The following MEF2C variants were observed in gnomAD, a reference collection of about 807,000 sequenced individuals.
MEF2C encodes myocyte-specific enhancer factor 2C.
MEF2C carries 6 observed loss-of-function variants against 50.5 expected under a neutral mutation model. The observed-to-expected ratio is 0.12, with a 90% CI of 0.07 to 0.23. The LOEUF is 0.23. Among genes scored for constraint, MEF2C ranks in the 10% least tolerant of loss-of-function variants. The pLI is 1.00. For synonymous variants in MEF2C, 183 were observed against 228.0 expected, an observed-to-expected ratio of 0.80 and a Z score of 1.78; for missense variants, 276 against 605.0, an observed-to-expected ratio of 0.46 and a Z score of 5.70.
chr5:88,769,939 T>C (rs1020130567), intron 3 of MEF2C: 3 of 983,954 alleles, frequency 3.0e-6, no homozygotes, highest in Non-Finnish European at 2.4e-6. Context: ...GGCCACTGTG[T>C]CCAGCCTATC....
chr5:88,745,789 T>C (rs1350731359), intron 6 of MEF2C, among the ~76,000 whole-genome samples: 1 of 152,224 alleles, frequency 6.6e-6, no homozygotes, highest in South Asian at 2.1e-4. Context: ...CACTCCAACC[T>C]GGGTGACAGA....
Position 88,718,120 on chromosome 5 carries a change from T to G in MEF2C, c.*4484A>C, listed in dbSNP as rs1186113068. ...CCATCTTTTCATATAATATTTTGAG[T>G]TGAAAACTGAGAAAGCTCATTTGTG... On this transcript the variant is annotated 3_prime_UTR_variant, in exon 11 of 11. Transcript: ENST00000504921. 1 of 152,184 alleles carries G rather than the reference T, an allele frequency of 6.6e-6. No individual in the cohort carries two copies. Among genetic ancestry groups the G allele is most frequent in the Non-Finnish European group, 1.5e-5 (1 of 68,036 alleles). 9.4% of individuals were successfully genotyped at this position (152,184 alleles called of 1,614,324 possible). A position where few individuals can be genotyped will look rare whatever the true frequency, so the allele number is the denominator to read the frequency against.
At chr5:88,881,485 A>G (rs1456419772) in intron 1 of MEF2C, among the ~76,000 whole-genome samples, 1 of 152,236 alleles carries the variant, frequency 6.6e-6, no homozygotes, top group African/African-American at 2.4e-5. Context: ...AATGTTTTTA[A>G]AGACTAGCCA....
intron 2 of MEF2C, among the ~76,000 whole-genome samples, chr5:88,822,298 A>G (rs1250333955): frequency 6.6e-6 from 1 of 152,010 alleles, no homozygotes; most frequent in Non-Finnish European, 1.5e-5. Flanking sequence ...ACAGTGTTAC[A>G]TGACATTCAA....
chr5:88,719,552 C>T lies in MEF2C; in HGVS notation c.*3052G>A, dbSNP rs1200418538. The T allele has an allele frequency of 6.6e-6, 1 of 152,200 alleles. No individual in the cohort carries two copies. Among genetic ancestry groups the T allele is most frequent in the Non-Finnish European group, 1.5e-5 (1 of 68,026 alleles). 9.4% of individuals were successfully genotyped at this position (152,200 alleles called of 1,614,324 possible). ...GAAGAATGTTGCCTAAAATGTTACT[C>T]TAGGACGGGTTATGTAAAATAATAC... On this transcript the variant is annotated 3_prime_UTR_variant, in exon 11 of 11. Transcript: ENST00000504921.
Position 88,734,586 on chromosome 5 carries a change from T to G in MEF2C, c.638-2685A>C, listed in dbSNP as rs189112045. The stretch of plus-strand genomic sequence containing the variant: ...GTTTGTTTTTTTTTTTTTTTTTTTT[T>G]TTTTTTTTTTTTAGCATTTTCTACA... On this transcript the variant is annotated intron_variant, in intron 6 of 10. Transcript: ENST00000504921. 777 of 940,304 alleles carry G rather than the reference T, an allele frequency of 8.3e-4. 6 individuals carry two copies. Among genetic ancestry groups the G allele is most frequent in the African/African-American group, 7.9e-3 (429 of 54,608 alleles). The allele number at this position is 940,304 out of a possible 1,614,324, so 58.2% of individuals were successfully genotyped here.
intron 3 of MEF2C, among the ~76,000 whole-genome samples, chr5:88,781,647 A>C (rs962947103): frequency 2.6e-5 from 4 of 152,138 alleles, no homozygotes; most frequent in African/African-American, 9.7e-5. Flanking sequence ...TTGTATTCAG[A>C]ATCCTGACCT....
intron 1 of MEF2C, among the ~76,000 whole-genome samples, chr5:88,860,523 C>G (rs1825136492): frequency 6.6e-6 from 1 of 151,814 alleles, no homozygotes; most frequent in Non-Finnish European, 1.5e-5. Flanking sequence ...ATGCCATATT[C>G]CAGGGCTTAC....
At chr5:88,865,055 C>G (rs1019069641) in intron 1 of MEF2C, among the ~76,000 whole-genome samples, 1 of 152,018 alleles carries the variant, frequency 6.6e-6, no homozygotes, top group Admixed American at 6.5e-5. Context: ...AGCCACCATG[C>G]CTGGCCATTT....
intron 2 of MEF2C, among the ~76,000 whole-genome samples, chr5:88,815,409 G>A (rs1368543874): frequency 6.6e-6 from 1 of 152,026 alleles, no homozygotes; most frequent in Non-Finnish European, 1.5e-5. Flanking sequence ...TTTCCAAACA[G>A]TTACATTTGT....
At chr5:88,850,271 C>T (rs758215817) in intron 1 of MEF2C, among the ~76,000 whole-genome samples, 1 of 152,148 alleles carries the variant, frequency 6.6e-6, no homozygotes, top group Non-Finnish European at 1.5e-5. Flanking sequence ...TTGTGTCATG[C>T]ACTATTCTAT....
chr5:88,791,340 T>C (rs919399536), intron 3 of MEF2C, among the ~76,000 whole-genome samples: 4 of 152,168 alleles, frequency 2.6e-5, no homozygotes, highest in Admixed American at 6.5e-5. Context: ...AAGGTTCATG[T>C]AAAATAATAA....
At chr5:88,743,681 T>C in intron 6 of MEF2C, 1 of 985,442 alleles carries the variant, frequency 1.0e-6, no homozygotes, top group Non-Finnish European at 1.2e-6. Context: ...AGATGGAGTC[T>C]TTCCAGAGTC....
At chr5:88,731,514 C>T (rs1761590075) in intron 7 of MEF2C, 2 of 484,096 alleles carry the variant, frequency 4.1e-6, no homozygotes, top group East Asian at 7.6e-5. Flanking sequence ...GTGAAGTTCA[C>T]CAGATATATA....
chr5:88,842,152 T>C (rs1214823870), intron 1 of MEF2C, among the ~76,000 whole-genome samples: 1 of 152,170 alleles, frequency 6.6e-6, no homozygotes, highest in African/African-American at 2.4e-5. Context: ...TAGTATATTT[T>C]ATAAGAAATA....
chr5:88,786,773 G>A (rs1791118502), intron 3 of MEF2C, among the ~76,000 whole-genome samples: 1 of 152,032 alleles, frequency 6.6e-6, no homozygotes, highest in African/African-American at 2.4e-5. Flanking sequence ...AGTTTAAATG[G>A]GAAAAATGGT....
intron 3 of MEF2C, among the ~76,000 whole-genome samples, chr5:88,763,927 C>G (rs533180151): frequency 1.3e-5 from 2 of 152,314 alleles, no homozygotes; most frequent in South Asian, 4.1e-4. Flanking sequence ...GCTGGGATTA[C>G]AGGCATGAGC....
At position 88,877,173 on chromosome 5, in the gene MEF2C, C is replaced by T. The variant is rs552713012; in HGVS notation, c.-143+5782G>A. On this transcript the variant is annotated intron_variant, in intron 1 of 10. Transcript: ENST00000504921. ...GAGTAATGATTCCTGAAGAAATCTG[C>T]CTGTAATATGTTTACTGTTTTTATT... Among the ~76,000 whole-genome samples the T allele has an allele frequency of 1.1e-4, 16 of 152,030 alleles. No individual in the cohort carries two copies. In the South Asian group the frequency reaches 2.9e-3, roughly 28 times the overall value.
chr5:88,762,300 C>A (rs933305422), intron 3 of MEF2C, among the ~76,000 whole-genome samples: 1 of 152,174 alleles, frequency 6.6e-6, no homozygotes, highest in African/African-American at 2.4e-5. Context: ...AAATTTGAGA[C>A]AGGATTTTGC....
Sources: gnomAD v4.1 joint callset for allele counts (sites outside exome capture counted in the v4.1 genomes callset) on GRCh38, gnomAD v4.1.1 for gene constraint, MANE v1.5 for transcripts, NCBI Gene and HGNC (gene_info 2026-07-23, HGNC 2026-07-21) for gene names.